Variants in UEVLD observed in about 807,000 individuals in gnomAD.
The protein encoded by UEVLD is ubiquitin-conjugating enzyme E2 variant 3.
UEVLD carries 47 observed loss-of-function variants against 58.6 expected under a neutral mutation model. The ratio of observed to expected loss-of-function variants is 0.80; its 90% confidence interval spans 0.63 to 1.02. The LOEUF is 1.02. Among genes scored for constraint, UEVLD ranks in the 50% least tolerant of loss-of-function variants. UEVLD has a pLI of 0.00. For synonymous variants in UEVLD, 197 were observed against 195.3 expected, an observed-to-expected ratio of 1.01 and a Z score of -0.07; for missense variants, 510 against 550.6, an observed-to-expected ratio of 0.93 and a Z score of 0.74.
Position 18,570,330 on chromosome 11 carries a change from G to A in UEVLD, c.241C>T (p.Pro81Ser), listed in dbSNP as rs1590359743. 6.3e-7 allele frequency: 1 copy of A among 1,576,916 alleles called. No homozygotes were observed. Among genetic ancestry groups the A allele is most frequent in the East Asian group, 2.3e-5 (1 of 44,108 alleles). ...PIRFWILDSHPFAPPICFLKP... is the reference protein window; with the variant it reads ...PIRFWILDSHSFAPPICFLKP... ...AAGAAGCAAATAGGGGGAGCGAAAG[G>A]GTGAGAATCCAAAATCCAGAAACGA... The change falls in exon 4 of 12, where the codon CCT becomes TCT. Residue 81 changes from proline to serine, a missense_variant. Pro to Ser is a moderately conservative substitution (Grantham distance 74). Coordinates refer to ENST00000396197, the MANE Select transcript of UEVLD (RefSeq NM_001040697.4).
intron 1 of UEVLD, among the ~76,000 whole-genome samples, 188 bp downstream of exon 1, chr11:18,588,425 G>A (rs578027138): frequency 2.0e-5 from 3 of 152,278 alleles, no homozygotes; most frequent in African/African-American, 7.2e-5. Flanking sequence ...AGAGTTGCGG[G>A]AGAAATCAGA....
chr11:18,582,786 C>T (rs1853312816), intron 1 of UEVLD, among the ~76,000 whole-genome samples: 1 of 152,122 alleles, frequency 6.6e-6, no homozygotes, highest in African/African-American at 2.4e-5. Flanking sequence ...AGGTACTTCA[C>T]TAAAGAAGAA....
At chr11:18,578,120 A>G (rs1184982739) in intron 2 of UEVLD, among the ~76,000 whole-genome samples, 3 of 152,174 alleles carry the variant, frequency 2.0e-5, no homozygotes, top group Non-Finnish European at 2.9e-5. Context: ...TCACTTGGCT[A>G]GCCTTAAAAA....
chr11:18,537,322 A>ATT (rs1382878927), intron 9 of UEVLD, among the ~76,000 whole-genome samples: 1 of 30,372 alleles, frequency 3.3e-5, no homozygotes, highest in Non-Finnish European at 1.6e-4. Context: ...ATATATATAT[A>ATT]TATTTTTTTT....
At chr11:18,545,322 C>T (rs866214423) in intron 8 of UEVLD, among the ~76,000 whole-genome samples, 4 of 151,768 alleles carry the variant, frequency 2.6e-5, no homozygotes, top group African/African-American at 7.3e-5. Flanking sequence ...CCACTTGCCT[C>T]GGCCTCCCAA....
At chr11:18,554,080 ACT>A (rs1195473656) in intron 7 of UEVLD, among the ~76,000 whole-genome samples, 2 of 152,162 alleles carry the variant, frequency 1.3e-5, no homozygotes, top group Admixed American at 1.3e-4. Flanking sequence ...TCCTAAAGCA[ACT>A]ACTCTTAATA....
intron 7 of UEVLD, among the ~76,000 whole-genome samples, chr11:18,552,584 G>T (rs1851573823): frequency 6.6e-6 from 1 of 151,550 alleles, no homozygotes; most frequent in East Asian, 1.9e-4. Context: ...AAATTAGGCT[G>T]GTCACGGTGG....
chr11:18,558,818 T>C (rs1185962767), intron 6 of UEVLD, among the ~76,000 whole-genome samples: 1 of 151,820 alleles, frequency 6.6e-6, no homozygotes, highest in Admixed American at 6.6e-5. Flanking sequence ...CTTCAATAAG[T>C]AATCCTTTAG....
intron 7 of UEVLD, among the ~76,000 whole-genome samples, chr11:18,552,635 G>A (rs1018273771): frequency 1.2e-4 from 18 of 152,046 alleles, no homozygotes; most frequent in African/African-American, 4.3e-4. Context: ...GCTGAGGTGG[G>A]CGGATCACCT....
At chr11:18,563,670 T>C in intron 6 of UEVLD, 6 of 984,610 alleles carry the variant, frequency 6.1e-6, no homozygotes, top group Non-Finnish European at 7.2e-6. Context: ...GAAGCATTTA[T>C]TTAGTGACAA....
intron 1 of UEVLD, 152 bp downstream of exon 1, chr11:18,588,461 G>A (rs1367217358): frequency 2.3e-6 from 2 of 877,552 alleles, no homozygotes; most frequent in Non-Finnish European, 3.4e-6. Flanking sequence ...GCCTCCCTGG[G>A]GCCGCGCCCC....
At chr11:18,545,375 A>T (rs908592081) in intron 8 of UEVLD, among the ~76,000 whole-genome samples, 1 of 149,716 alleles carries the variant, frequency 6.7e-6, no homozygotes, top group Non-Finnish European at 1.5e-5. Context: ...CCAGCCCATA[A>T]CATATTTTTA....
In UEVLD at chr11:18,547,016, G is replaced by T; in HGVS notation, c.750C>A (p.Ile250=). ...LSASAHSKVV[I]FTVNSLGSSQ... ...AACTACCCAAAGAGTTGACTGTGAA[G>T]ATCACCACCTTGGAATGAGCAGAGG... The change falls in exon 8 of 12, where the codon ATC becomes ATA. Residue 250 remains isoleucine (I), a synonymous_variant. Transcript: ENST00000396197. 6.2e-7 allele frequency: 1 copy of T among 1,613,908 alleles called. No homozygotes were observed. The highest frequency in any genetic ancestry group is 1.1e-5 in the South Asian group (1 of 91,008).
chr11:18,546,441 G>C (rs536502760), intron 8 of UEVLD, among the ~76,000 whole-genome samples: 63 of 151,942 alleles, frequency 4.1e-4, no homozygotes, highest in African/African-American at 1.5e-3. Context: ...CAATTTTGCT[G>C]AATATTCTAG....
chr11:18,537,479 C>T (rs1307278047), intron 9 of UEVLD, among the ~76,000 whole-genome samples: 2 of 150,844 alleles, frequency 1.3e-5, no homozygotes, highest in Admixed American at 6.6e-5. Flanking sequence ...TACAGGCACC[C>T]GCCACCACAC....
chr11:18,568,879 G>A (rs1590357251), intron 4 of UEVLD, among the ~76,000 whole-genome samples: 3 of 151,896 alleles, frequency 2.0e-5, no homozygotes, highest in African/African-American at 7.3e-5. Context: ...AGCCCTACTA[G>A]CTTTCTGGTA....
At position 18,565,906 on chromosome 11, in the gene UEVLD, T is replaced by C. The variant is rs1034209678; in HGVS notation, c.493+441A>G. On this transcript the variant is annotated intron_variant, in intron 5 of 11. Transcript: ENST00000396197. Reference sequence around the variant, plus strand: ...AAGGAATTACTTTTTTTTTCTTTTTTTTTTTTTTTTGAGATGGAGTCTTGC... The same window carrying C: ...AAGGAATTACTTTTTTTTTCTTTTTCTTTTTTTTTTGAGATGGAGTCTTGC... Among the ~76,000 whole-genome samples the C allele has an allele frequency of 4.0e-5, 6 of 149,700 alleles. No individual in the cohort carries two copies. In the East Asian group the frequency reaches 1.2e-3, roughly 29 times the overall value.
At chr11:18,582,701 C>T (rs955047226) in intron 1 of UEVLD, among the ~76,000 whole-genome samples, 3 of 152,056 alleles carry the variant, frequency 2.0e-5, no homozygotes, top group Non-Finnish European at 2.9e-5. Context: ...CCATACTGGT[C>T]CTCACCACTA....
At chr11:18,550,995 T>A (rs34081721) in intron 7 of UEVLD, among the ~76,000 whole-genome samples, 9,789 of 152,308 alleles carry the variant, frequency 0.064, 368 homozygotes, top group Non-Finnish European at 0.08. Context: ...AAGTTCCTTG[T>A]ACCTGGCACT....
Sources: gnomAD v4.1 joint callset for allele counts (sites outside exome capture counted in the v4.1 genomes callset) on GRCh38, gnomAD v4.1.1 for gene constraint, MANE v1.5 for transcripts, NCBI Gene and HGNC (gene_info 2026-07-23, HGNC 2026-07-21) for gene names.